Variants in TMX1 observed in about 807,000 individuals in gnomAD.
The protein encoded by TMX1 is thioredoxin related transmembrane protein 1.
In TMX1, 25 loss-of-function variants were observed where a neutral mutation model predicts 36.6. The ratio of observed to expected loss-of-function variants is 0.68; its 90% CI spans 0.50 to 0.95. The LOEUF (loss-of-function observed/expected upper bound fraction) is 0.95. TMX1 is among the 40% of genes least tolerant of loss of function. TMX1 has a pLI of 0.00. For synonymous variants in TMX1, 133 were observed against 118.0 expected (o/e 1.13, Z -0.82); for missense variants, 347 against 339.6 (o/e 1.02, Z -0.17).
chr14:51,251,629 A>G (rs1457251044), intron 7 of TMX1, among the ~76,000 whole-genome samples: 2 of 152,118 alleles, frequency 1.3e-5, no homozygotes, highest in Non-Finnish European at 2.9e-5. Flanking sequence ...CTGTCTCCCA[A>G]GAGTTTACTT....
At chr14:51,246,199 C>G (rs2065784857) in intron 3 of TMX1, among the ~76,000 whole-genome samples, 1 of 152,068 alleles carries the variant, frequency 6.6e-6, no homozygotes, top group Admixed American at 6.6e-5. Flanking sequence ...CCCCACGTGC[C>G]CCTTCAGTCT....
intron 3 of TMX1, 128 bp from the exon 4 acceptor site, chr14:51,246,964 A>T: frequency 1.3e-6 from 1 of 750,136 alleles, no homozygotes; most frequent in Non-Finnish European, 2.0e-6. Context: ...ATAATTTGCT[A>T]TTAATACTTG....
intron 4 of TMX1, 49 bp from the exon 5 acceptor site, chr14:51,249,277 C>G: frequency 1.4e-6 from 2 of 1,479,376 alleles, no homozygotes; most frequent in Non-Finnish European, 1.8e-6. Context: ...TATGTATAGA[C>G]AAATCTGTGT....
chr14:51,248,760 TA>T (rs751553022), intron 4 of TMX1, among the ~76,000 whole-genome samples: 1 of 152,236 alleles, frequency 6.6e-6, no homozygotes, highest in Non-Finnish European at 1.5e-5. Context: ...TTTAATTATG[TA>T]AAATACTAAT....
At chr14:51,243,093 T>TAAAAAAAAAAA (rs34241507) in intron 1 of TMX1, among the ~76,000 whole-genome samples, 1 of 138,190 alleles carries the variant, frequency 7.2e-6, no homozygotes. Flanking sequence ...CTGGTTCTGT[T>TAAAAAAAAAAA]AAAAAAAAAA....
In TMX1 at chr14:51,256,222, AT is replaced by A. The variant is rs199532351; in HGVS notation, c.*1715del. On this transcript the variant is annotated 3_prime_UTR_variant, in exon 8 of 8. Transcript: ENST00000457354. ...GGACAGTAATGCTCATTAATCAAGC[AT>A]TTTTTTTTTTTAGTGTTCTAGTATA... 218 of 144,774 alleles carry A rather than the reference AT, an allele frequency of 1.5e-3. No homozygotes were observed. Among genetic ancestry groups the A allele is most frequent in the Admixed American group, 1.5e-3 (21 of 14,470 alleles). 9.0% of individuals were successfully genotyped at this position (144,774 alleles called of 1,614,324 possible). A position where few individuals can be genotyped will look rare whatever the true frequency, so the allele number is the denominator to read the frequency against.
intron 4 of TMX1, 132 bp downstream of exon 4, chr14:51,247,352 A>AT (rs35852707): frequency 0.2 from 60,838 of 299,830 alleles, 4,356 homozygotes; most frequent in African/African-American, 0.25. Flanking sequence ...TACATGTTTG[A>AT]TTTTTTTTTT....
chr14:51,251,340 T>C (rs1023830697), intron 7 of TMX1, among the ~76,000 whole-genome samples: 2 of 152,220 alleles, frequency 1.3e-5, no homozygotes, highest in Non-Finnish European at 2.9e-5. Context: ...TTTCAACTTA[T>C]GTAAGGATAG....
chr14:51,250,034 T>C (rs1231108764), intron 7 of TMX1, among the ~76,000 whole-genome samples: 3 of 152,218 alleles, frequency 2.0e-5, no homozygotes, highest in Non-Finnish European at 2.9e-5. Flanking sequence ...TATTTAATAA[T>C]ATTTATTTGG....
At position 51,255,393 on chromosome 14, in the gene TMX1, G is replaced by GTTTTTT. The variant is rs57089405; in HGVS notation, c.*884_*889dup. ...TCTTGCTGAACTTCAACTTGAAATTGTTTTTTTTTTTTTTTCTTTTTGGAT... is the reference window on the plus strand; with the variant it reads ...TCTTGCTGAACTTCAACTTGAAATTGTTTTTTTTTTTTTTTTTTTTTCTTTTTGGAT... On this transcript the variant is annotated 3_prime_UTR_variant, in exon 8 of 8. Coordinates refer to ENST00000457354, the MANE Select transcript of TMX1 (RefSeq NM_030755.5). 2.1e-5 allele frequency: 3 copies of GTTTTTT among 141,600 alleles called. No individual in the cohort carries two copies. The highest frequency in any genetic ancestry group is 3.1e-5 in the Non-Finnish European group (2 of 64,828). The allele number at this position is 141,600 out of a possible 1,614,324, so 8.8% of individuals were successfully genotyped here.
At chr14:51,241,391 C>A (rs1388896637) in intron 1 of TMX1, among the ~76,000 whole-genome samples, 1 of 152,156 alleles carries the variant, frequency 6.6e-6, no homozygotes, top group Non-Finnish European at 1.5e-5. Flanking sequence ...CACTAAGCAC[C>A]TTTACACGAA....
intron 7 of TMX1, among the ~76,000 whole-genome samples, chr14:51,252,493 A>G (rs2065818873): frequency 6.6e-6 from 1 of 152,008 alleles, no homozygotes; most frequent in Non-Finnish European, 1.5e-5. Flanking sequence ...AATGAAAGTA[A>G]TTAAATTTGC....
intron 1 of TMX1, 43 bp downstream of exon 1, chr14:51,240,487 C>T (rs545900119): frequency 3.1e-6 from 5 of 1,594,350 alleles, no homozygotes; most frequent in Non-Finnish European, 4.3e-6. Context: ...TGCCTGGACA[C>T]ACGACTTCAC....
rs2065830281 is a variant in TMX1, at chr14:51,254,612, A to G, written c.*93A>G. The G allele has an allele frequency of 8.7e-7, 1 of 1,149,784 alleles. No individual in the cohort carries two copies. Among genetic ancestry groups the G allele is most frequent in the Non-Finnish European group, 1.2e-6 (1 of 813,756 alleles). 71.2% of individuals were successfully genotyped at this position (1,149,784 alleles called of 1,614,324 possible). A position where few individuals can be genotyped will look rare whatever the true frequency, so the allele number is the denominator to read the frequency against. ...TTGAAGTGAACTGTGACTTTTTTGAATATTGCAGGGTTCAGTCTAGATTGT... is the reference window on the plus strand; with the variant it reads ...TTGAAGTGAACTGTGACTTTTTTGAGTATTGCAGGGTTCAGTCTAGATTGT... On this transcript the variant is annotated 3_prime_UTR_variant, in exon 8 of 8. Coordinates refer to ENST00000457354, the MANE Select transcript of TMX1 (RefSeq NM_030755.5).
In TMX1 at chr14:51,256,828, C is replaced by T. The variant is rs2065840684; in HGVS notation, c.*2309C>T. On this transcript the variant is annotated 3_prime_UTR_variant, in exon 8 of 8. Transcript: ENST00000457354. ...TTGCACATCTTTCAGGTGAGTCAGC[C>T]CAGAGGTGTGGTACAAATAGGTAAA... 6.6e-6 allele frequency: 1 copy of T among 152,104 alleles called. No homozygotes were observed. The highest frequency in any genetic ancestry group is 1.5e-5 in the Non-Finnish European group (1 of 68,036). 9.4% of individuals were successfully genotyped at this position (152,104 alleles called of 1,614,324 possible).
chr14:51,240,399 A>G lies in TMX1; in HGVS notation c.107A>G (p.Asp36Gly), dbSNP rs776845202. 1.2e-6 allele frequency: 2 copies of G among 1,613,924 alleles called. No homozygotes were observed. The highest frequency in any genetic ancestry group is 2.7e-5 in the African/African-American group (2 of 74,922). The change falls in exon 1 of 8, where the codon GAC (aspartate) becomes GGC (glycine). Residue 36 changes from aspartate (D) to glycine (G), a missense_variant. Coordinates refer to ENST00000457354, the MANE Select transcript of TMX1 (RefSeq NM_030755.5). Reference sequence around the variant, plus strand: ...CGGAGCAACGTTCGCGTCATCACGGACGAGAACTGGAGAGAACTGCTGGAA... The same window carrying G: ...CGGAGCAACGTTCGCGTCATCACGGGCGAGAACTGGAGAGAACTGCTGGAA... ...GRRSNVRVIT[D>G]ENWRELLEGD...
chr14:51,241,781 C>T (rs769091701), intron 1 of TMX1, among the ~76,000 whole-genome samples: 5 of 152,190 alleles, frequency 3.3e-5, no homozygotes, highest in African/African-American at 1.2e-4. Context: ...GTGAAAGTGA[C>T]ATCCCCAAGG....
chr14:51,247,273 A>G, intron 4 of TMX1, 53 bp downstream of exon 4: 1 of 1,546,248 alleles, frequency 6.5e-7, no homozygotes, highest in Non-Finnish European at 8.7e-7. Flanking sequence ...TGGAACAGAT[A>G]ATTATATTTT....
Position 51,254,070 on chromosome 14 carries a change from A to G in TMX1, c.665-271A>G, listed in dbSNP as rs890826252. On this transcript the variant is annotated intron_variant, in intron 7 of 7. Coordinates refer to ENST00000457354, the MANE Select transcript of TMX1 (RefSeq NM_030755.5). The stretch of plus-strand genomic sequence containing the variant: ...TTTTCTCACAACTTCCATATTCACA[A>G]CATTAATGCTGATTCATTAATTTCA... The G allele has an allele frequency of 2.1e-5, 5 of 243,840 alleles. No homozygotes were observed. The Admixed American group carries it at 2.8e-4, about 13-fold the overall frequency. 15.1% of individuals were successfully genotyped at this position (243,840 alleles called of 1,614,324 possible).
Sources: allele counts gnomAD v4.1 joint callset (sites outside exome capture counted in the v4.1 genomes callset), GRCh38; gene constraint gnomAD v4.1.1; transcripts MANE v1.5; gene names NCBI Gene and HGNC (gene_info 2026-07-23, HGNC 2026-07-21).